Variants in PARD3B observed in about 807,000 individuals in gnomAD.
PARD3B encodes the protein partitioning defective 3 homolog B.
A neutral mutation model predicts 130.2 loss-of-function variants in PARD3B; 103 were observed. The ratio of observed to expected loss-of-function variants is 0.79; its 90% confidence interval spans 0.67 to 0.93. The LOEUF (loss-of-function observed/expected upper bound fraction) is 0.93, where lower values mean the gene tolerates loss of function less well. Ranked by LOEUF, PARD3B falls within the 40% of genes least tolerant of loss-of-function variation. PARD3B has a pLI of 0.00. For synonymous variants in PARD3B, 583 were observed against 553.2 expected (o/e 1.05, Z -0.76); for missense variants, 1,609 against 1,499.2 (o/e 1.07, Z -1.21).
chr2:205,155,004 T>G (rs1270403740), intron 10 of PARD3B, among the ~76,000 whole-genome samples: 1 of 151,986 alleles, frequency 6.6e-6, no homozygotes, highest in Non-Finnish European at 1.5e-5. Context: ...GTAACAAACC[T>G]GCACATTGTG....
chr2:205,329,994 A>AAAATAAATAAATAAAT (rs199881710), intron 18 of PARD3B, among the ~76,000 whole-genome samples: 12 of 63,018 alleles, frequency 1.9e-4, no homozygotes, highest in Admixed American at 4.7e-4. Flanking sequence ...ACGCCGTCTC[A>AAAATAAATAAATAAAT]AAATAAATAA....
rs114486141 is a variant in PARD3B, at chr2:205,498,546, C to T, written c.3045-1350C>T. On this transcript the variant is annotated intron_variant, in intron 20 of 22. Transcript: ENST00000406610. ...AAAGTCACCAGAACTCACTTTTATT[C>T]GAATTTGCTTTGTAAATGAGAGTGG... is the stretch of plus-strand genomic sequence containing the variant. Among the ~76,000 whole-genome samples the T allele has an allele frequency of 7.7e-3, 1,169 of 152,004 alleles. 12 individuals are homozygous for T. Among genetic ancestry groups the T allele is most frequent in the African/African-American group, 0.027 (1,102 of 41,494 alleles).
chr2:204,983,137 T>C (rs891362464), intron 3 of PARD3B, among the ~76,000 whole-genome samples: 59 of 152,178 alleles, frequency 3.9e-4, no homozygotes, highest in African/African-American at 1.3e-3. Flanking sequence ...ACCTGAAGCA[T>C]TGATTCTGTG....
intron 1 of PARD3B, among the ~76,000 whole-genome samples, chr2:204,558,936 T>G (rs1301753771): frequency 1.3e-5 from 2 of 152,112 alleles, no homozygotes; most frequent in Non-Finnish European, 2.9e-5. Flanking sequence ...AAACAAGAAA[T>G]GGGGAAAGGA....
At chr2:204,561,748 A>C (rs892755325) in intron 1 of PARD3B, among the ~76,000 whole-genome samples, 6 of 151,910 alleles carry the variant, frequency 3.9e-5, no homozygotes, top group African/African-American at 1.5e-4. Flanking sequence ...GGTGCACGCT[A>C]CCACGCCCGG....
At chr2:205,217,785 T>A (rs1318247952) in intron 15 of PARD3B, among the ~76,000 whole-genome samples, 3 of 148,980 alleles carry the variant, frequency 2.0e-5, no homozygotes, top group Non-Finnish European at 4.4e-5. Context: ...TATGTATATA[T>A]ATGTGTGCAT....
intron 2 of PARD3B, among the ~76,000 whole-genome samples, chr2:204,896,299 G>A (rs973776351): frequency 1.3e-5 from 2 of 152,152 alleles, no homozygotes; most frequent in Admixed American, 1.3e-4. Flanking sequence ...AGTAAATAAA[G>A]GTAAGAGGAA....
chr2:205,367,126 T>C (rs548288633), intron 18 of PARD3B, among the ~76,000 whole-genome samples: 1 of 152,350 alleles, frequency 6.6e-6, no homozygotes, highest in African/African-American at 2.4e-5. Flanking sequence ...TGGAGCTGTG[T>C]TAAAACTTGT....
intron 2 of PARD3B, among the ~76,000 whole-genome samples, chr2:204,737,847 T>C (rs567722779): frequency 4.6e-5 from 7 of 152,338 alleles, no homozygotes; most frequent in Non-Finnish European, 7.3e-5. Context: ...ATTCATGTTT[T>C]TGTATGCTTT....
chr2:205,433,555 G>T (rs1235491619), intron 19 of PARD3B, among the ~76,000 whole-genome samples: 1 of 134,680 alleles, frequency 7.4e-6, no homozygotes, highest in Admixed American at 7.4e-5. Flanking sequence ...AAAAAAAAAG[G>T]TAAATTGAGG....
chr2:204,624,005 A>G lies in PARD3B; in HGVS notation c.121-62176A>G, dbSNP rs1332216436. Among the ~76,000 whole-genome samples, 5 of 152,196 alleles carry G rather than the reference A, an allele frequency of 3.3e-5. No individual in the cohort carries two copies. The East Asian group carries it at 7.7e-4, about 23-fold the overall frequency. On this transcript the variant is annotated intron_variant, in intron 1 of 22. Coordinates refer to ENST00000406610, the MANE Select transcript of PARD3B (RefSeq NM_001302769.2). ...CTTTTTAGAGGCTGCATAATATTCCATGGTATGTATATACTACATTTCTTT... is the reference window on the plus strand; with the variant it reads ...CTTTTTAGAGGCTGCATAATATTCCGTGGTATGTATATACTACATTTCTTT...
Position 205,461,956 on chromosome 2 carries a change from A to G in PARD3B, c.3044+21284A>G, listed in dbSNP as rs1190049370. Among the ~76,000 whole-genome samples, 1 of 152,224 alleles carries G rather than the reference A, an allele frequency of 6.6e-6. No homozygotes were observed. The highest frequency in any genetic ancestry group is 2.4e-5 in the African/African-American group (1 of 41,472). The stretch of plus-strand genomic sequence containing the variant: ...ACTAAAATCAAAAGTAGACTTTATG[A>G]GTAAGTGTGACAATGGCCTAATGGA... On this transcript the variant is annotated intron_variant, in intron 20 of 22. Transcript: ENST00000406610. The surrounding 1 kb of genome is among the most constrained non-coding windows in gnomAD (Gnocchi z 4.3).
At chr2:204,688,419 A>T (rs2125247853) in intron 2 of PARD3B, among the ~76,000 whole-genome samples, 1 of 152,022 alleles carries the variant, frequency 6.6e-6, no homozygotes, top group Admixed American at 6.6e-5. Context: ...CTCTACTAAA[A>T]ATACAAAAAA....
intron 3 of PARD3B, among the ~76,000 whole-genome samples, chr2:204,996,785 G>A (rs1694230945): frequency 6.7e-6 from 1 of 148,312 alleles, no homozygotes; most frequent in South Asian, 2.3e-4. Context: ...GTCTCGTGGT[G>A]CGCCGTTTTT....
At chr2:204,568,828 G>A (rs915076839) in intron 1 of PARD3B, among the ~76,000 whole-genome samples, 1 of 152,026 alleles carries the variant, frequency 6.6e-6, no homozygotes, top group African/African-American at 2.4e-5. Context: ...GGTGGTGTGT[G>A]CCTTTAATCC....
intron 2 of PARD3B, among the ~76,000 whole-genome samples, chr2:204,781,391 A>G (rs1253772935): frequency 2.0e-5 from 3 of 152,170 alleles, no homozygotes; most frequent in Non-Finnish European, 4.4e-5. Flanking sequence ...TAATAAAACT[A>G]TACATGTAAA....
intron 15 of PARD3B, among the ~76,000 whole-genome samples, chr2:205,217,894 A>ATATATTT (rs1559553191): frequency 9.7e-5 from 3 of 31,074 alleles, no homozygotes; most frequent in African/African-American, 3.8e-4. Context: ...ATATATATAT[A>ATATATTT]TTTTTTTTTT....
chr2:205,052,305 G>T (rs1699243649), intron 4 of PARD3B, among the ~76,000 whole-genome samples: 1 of 151,428 alleles, frequency 6.6e-6, no homozygotes, highest in South Asian at 2.1e-4. Context: ...TTATAATACT[G>T]TGGTTGTTCT....
Position 205,300,648 on chromosome 2 carries a change from G to T in PARD3B, c.2304G>T (p.Arg768=). ...ATGACCTTCCCTTTCACAGGCCCCG[G>T]CCGCACATGGTTCGAGGCCGAGGCT... The part of the protein sequence containing the change: ...RKNDLPFHRP[R]PHMVRGRGCN... The change falls in exon 17 of 23, where the codon CGG becomes CGT. Residue 768 remains arginine, a synonymous_variant. Transcript: ENST00000406610. The surrounding 1 kb of genome is among the most constrained non-coding windows in gnomAD (Gnocchi z 4.1). 1 of 1,613,960 alleles carries T rather than the reference G, an allele frequency of 6.2e-7. No individual in the cohort carries two copies. Among genetic ancestry groups the T allele is most frequent in the Non-Finnish European group, 8.5e-7 (1 of 1,180,016 alleles).
Sources: allele counts gnomAD v4.1 joint callset (sites outside exome capture counted in the v4.1 genomes callset), GRCh38; gene constraint gnomAD v4.1.1; non-coding constraint Gnocchi (gnomAD v3.1); transcripts MANE v1.5; gene names NCBI Gene and HGNC (gene_info 2026-07-23, HGNC 2026-07-21).